Variants in MED24 observed in about 807,000 individuals in gnomAD.
MED24 encodes mediator of RNA polymerase II transcription subunit 24.
A neutral mutation model predicts 118.8 loss-of-function variants in MED24; 74 were observed. The ratio of observed to expected loss-of-function variants is 0.62; its 90% confidence interval spans 0.52 to 0.76. The LOEUF is 0.76. Among genes scored for constraint, MED24 ranks in the 30% least tolerant of loss-of-function variants. MED24 has a pLI of 0.00. For missense variants in MED24, 1,041 were observed against 1,278.9 expected (o/e 0.81, Z 2.84); for synonymous variants, 521 against 523.9 (o/e 0.99, Z 0.08).
chr17:40,025,561 TG>T (rs1982546340), intron 19 of MED24, among the ~76,000 whole-genome samples: 1 of 152,202 alleles, frequency 6.6e-6, no homozygotes, highest in East Asian at 1.9e-4. Flanking sequence ...TGTTGTTCAG[TG>T]GGTATGGAGT....
At chr17:40,034,303 T>C (rs1434537603) in intron 6 of MED24, among the ~76,000 whole-genome samples, 3 of 152,216 alleles carry the variant, frequency 2.0e-5, no homozygotes, top group Admixed American at 6.5e-5. Flanking sequence ...CATTTTTATA[T>C]AAAGATTGTC....
Position 40,026,282 on chromosome 17 carries a change from G to A in MED24, c.1859C>T (p.Ala620Val). 1.2e-6 allele frequency: 2 copies of A among 1,614,194 alleles called. No homozygotes were observed. The highest frequency in any genetic ancestry group is 1.7e-6 in the Non-Finnish European group (2 of 1,180,044). The change falls in exon 19 of 26, where the codon GCT (alanine) becomes GTT (valine). Residue 620 changes from alanine to valine, a missense_variant. By Grantham distance (64) the Ala-to-Val change is moderately conservative. Coordinates refer to ENST00000394128, the MANE Select transcript of MED24 (RefSeq NM_014815.4). ...GACGTGGGCCACAAGCCAAGCCACA[G>A]CACACACCGCCAGACTGCATACCTT... ...KGKVCSLAVCAVAWLVAHVRM... is the reference protein window; with the variant it reads ...KGKVCSLAVCVVAWLVAHVRM...
rs1568162243 is a variant in MED24, at chr17:40,029,753, G to A, written c.1261C>T (p.Leu421Phe). ...CCAGGGAAGGGCACACTCACCTTGA[G>A]GATGTTTGTGACAGTGGGCTCCGCC... is the stretch of plus-strand genomic sequence containing the variant. ...LRAEPTVTNI[L>F]KTMDADHSKS... Residue 421 changes from leucine (L) to phenylalanine (F), a missense_variant, in exon 13 of 26, where the codon CTC (leucine) becomes TTC (phenylalanine). By Grantham distance (22) the Leu-to-Phe change is conservative. Transcript: ENST00000394128. The A allele has an allele frequency of 6.2e-7, 1 of 1,613,652 alleles. No individual in the cohort carries two copies. The highest frequency in any genetic ancestry group is 8.5e-7 in the Non-Finnish European group (1 of 1,179,552).
intron 3 of MED24, among the ~76,000 whole-genome samples, chr17:40,050,621 TAAAAA>T (rs896792591): frequency 1.3e-5 from 2 of 148,710 alleles, no homozygotes; most frequent in African/African-American, 5.0e-5. Flanking sequence ...TCTCAGTAAA[TAAAAA>T]AAAAGTCAAA....
At position 40,043,890 on chromosome 17, in the gene MED24, C is replaced by CAAAAAAAAAAAAAAAAAAAAAA. The variant is rs35743512; in HGVS notation, c.214-7737_214-7736insTTTTTTTTTTTTTTTTTTTTTT. Among the ~76,000 whole-genome samples, 125 of 97,410 alleles carry CAAAAAAAAAAAAAAAAAAAAAA rather than the reference C, an allele frequency of 1.3e-3. 8 individuals carry two copies. Among genetic ancestry groups the CAAAAAAAAAAAAAAAAAAAAAA allele is most frequent in the African/African-American group, 2.2e-3 (60 of 27,126 alleles). The allele number at this position is 97,410 out of a possible 152,430, so 63.9% of individuals were successfully genotyped here. A position where few individuals can be genotyped will look rare whatever the true frequency, so the allele number is the denominator to read the frequency against. The stretch of plus-strand genomic sequence containing the variant: ...TGGGCAGAAGAGCGAGACTCCATCT[C>CAAAAAAAAAAAAAAAAAAAAAA]AAAAAAAAAAAAAACAAAGATTTAA... On this transcript the variant is annotated intron_variant, in intron 3 of 25. Coordinates refer to ENST00000394128, the MANE Select transcript of MED24 (RefSeq NM_014815.4).
At chr17:40,024,280 T>A (rs944775849) in intron 19 of MED24, among the ~76,000 whole-genome samples, 5 of 152,176 alleles carry the variant, frequency 3.3e-5, no homozygotes, top group African/African-American at 9.7e-5. Context: ...ATGCCTATAA[T>A]CCCAGCACTT....
At chr17:40,036,421 T>C (rs1983937394) in intron 3 of MED24, among the ~76,000 whole-genome samples, 1 of 152,174 alleles carries the variant, frequency 6.6e-6, no homozygotes, top group Non-Finnish European at 1.5e-5. Flanking sequence ...CCGAGCATGG[T>C]GGCTCATGCC....
chr17:40,024,936 A>C (rs1167555129), intron 19 of MED24, among the ~76,000 whole-genome samples: 1 of 152,030 alleles, frequency 6.6e-6, no homozygotes, highest in African/African-American at 2.4e-5. Context: ...AGGTTTCACC[A>C]TGTTGGTCAG....
intron 3 of MED24, among the ~76,000 whole-genome samples, chr17:40,041,738 G>A (rs74887406): frequency 0.012 from 1,883 of 152,096 alleles, 47 homozygotes; most frequent in African/African-American, 0.044. Flanking sequence ...CACTCTGCTC[G>A]TCCCATTAAT....
Position 40,029,729 on chromosome 17 carries a change from C to T in MED24, c.1266+19G>A, listed in dbSNP as rs1983147744. ...AGAAGAAAGAGAAGACTGTGGTGGC[C>T]AGGGAAGGGCACACTCACCTTGAGG... On this transcript the variant is annotated intron_variant, in intron 13 of 25. Coordinates refer to ENST00000394128, the MANE Select transcript of MED24 (RefSeq NM_014815.4). 6.2e-7 allele frequency: 1 copy of T among 1,606,216 alleles called. No individual in the cohort carries two copies. Among genetic ancestry groups the T allele is most frequent in the Admixed American group, 1.7e-5 (1 of 59,972 alleles).
At chr17:40,023,417 C>G (rs762223304) in intron 19 of MED24, 22 bp from the exon 20 acceptor site, 1 of 1,560,834 alleles carries the variant, frequency 6.4e-7, no homozygotes, top group Admixed American at 1.8e-5. Flanking sequence ...CCGAGAGAAC[C>G]TGAGGCTCAG....
At chr17:40,046,635 A>G (rs1985247669) in intron 3 of MED24, among the ~76,000 whole-genome samples, 1 of 149,608 alleles carries the variant, frequency 6.7e-6, no homozygotes, top group African/African-American at 2.4e-5. Context: ...AGTCCCAGCT[A>G]CTTGGGAGGC....
rs570904797 is a variant in MED24, at chr17:40,019,538, A to G, written c.2961T>C (p.Ala987=). Residue 987 remains alanine (A), a synonymous_variant, in exon 26 of 26, where the codon GCT becomes GCC. Coordinates refer to ENST00000394128, the MANE Select transcript of MED24 (RefSeq NM_014815.4). ...LGRQVAAKAI[A]AL is the part of the protein sequence containing the mutation. ...GGCCATGCCAAGCCCCTCAGAGTGC[A>G]GCAATGGCTTTAGCAGCCACCTGGC... is the stretch of plus-strand genomic sequence containing the variant. 21 of 1,611,976 alleles carry G rather than the reference A, an allele frequency of 1.3e-5. No individual in the cohort carries two copies. Among genetic ancestry groups the G allele is most frequent in the Middle Eastern group, 2.0e-4 (1 of 5,040 alleles).
chr17:40,028,873 G>C lies in MED24; in HGVS notation c.1362C>G (p.Ala454=), dbSNP rs749338103. ...ATTTCAGCTTTCCAGTGGCGGCGGC[G>C]GCAGCCAGCAGCAAGTCCAGACTCT... The part of the protein sequence containing the change: ...SGKSLDLLLA[A]AAATGKLKSF... Residue 454 remains alanine, a synonymous_variant, in exon 14 of 26, where the codon GCC becomes GCG. Coordinates refer to ENST00000394128, the MANE Select transcript of MED24 (RefSeq NM_014815.4). The C allele has an allele frequency of 6.2e-7, 1 of 1,613,940 alleles. No homozygotes were observed. The highest frequency in any genetic ancestry group is 8.5e-7 in the Non-Finnish European group (1 of 1,179,898).
At chr17:40,048,098 C>T (rs1041975884) in intron 3 of MED24, among the ~76,000 whole-genome samples, 4 of 152,356 alleles carry the variant, frequency 2.6e-5, no homozygotes, top group South Asian at 2.1e-4. Flanking sequence ...TGTCATGTGA[C>T]GCCTCCACTT....
At chr17:40,046,841 A>C (rs1209338214) in intron 3 of MED24, among the ~76,000 whole-genome samples, 3 of 152,176 alleles carry the variant, frequency 2.0e-5, no homozygotes, top group African/African-American at 7.2e-5. Context: ...GGATCGCTTG[A>C]GCCCAGGAGT....
In MED24 at chr17:40,026,765, G is replaced by A; in HGVS notation, c.1710-19C>T. 1.2e-6 allele frequency: 2 copies of A among 1,611,174 alleles called. No individual in the cohort carries two copies. Among genetic ancestry groups the A allele is most frequent in the Non-Finnish European group, 1.7e-6 (2 of 1,178,600 alleles). On this transcript the variant is annotated intron_variant, in intron 17 of 25. Coordinates refer to ENST00000394128, the MANE Select transcript of MED24 (RefSeq NM_014815.4). The stretch of plus-strand genomic sequence containing the variant: ...CATCTGCCTGCGGGTGTGCAGAGAA[G>A]TCAGCACAGGGGAGCAAGGAACGGG...
At chr17:40,052,288 G>A (rs1167994793) in intron 3 of MED24, among the ~76,000 whole-genome samples, 1 of 152,070 alleles carries the variant, frequency 6.6e-6, no homozygotes, top group East Asian at 1.9e-4. Flanking sequence ...GCAAGACTCT[G>A]ACTCAAAAAA....
intron 14 of MED24, 177 bp from the exon 15 acceptor site, chr17:40,028,123 TTG>T: frequency 1.5e-6 from 1 of 650,274 alleles, no homozygotes; most frequent in South Asian, 1.9e-5. Context: ...TGTTTTTTTT[TTG>T]TTTTTTTTGA....
Sources: allele counts gnomAD v4.1 joint callset (sites outside exome capture counted in the v4.1 genomes callset), GRCh38; gene constraint gnomAD v4.1.1; transcripts MANE v1.5; gene names NCBI Gene and HGNC (gene_info 2026-07-23, HGNC 2026-07-21).